The following FKBP3 variants were observed in gnomAD, a reference collection of about 807,000 sequenced individuals.
FKBP3 encodes the protein peptidyl-prolyl cis-trans isomerase FKBP3.
Under a neutral mutation model 30.6 loss-of-function variants are expected in FKBP3, and 21 were observed. The observed-to-expected ratio is 0.69, with a 90% confidence interval of 0.49 to 0.99. The LOEUF is 0.99. Among genes scored for constraint, FKBP3 ranks in the 50% least tolerant of loss-of-function variants. The pLI is 0.00. For missense variants in FKBP3, 283 were observed against 261.6 expected, an observed-to-expected ratio of 1.08 and a Z score of -0.56; for synonymous variants, 82 against 91.3, an observed-to-expected ratio of 0.90 and a Z score of 0.58.
chr14:45,133,380 T>TGG, intron 1 of FKBP3: 1 of 262,002 alleles, frequency 3.8e-6, no homozygotes. Flanking sequence ...GGCAGGAGAA[T>TGG]CGTTTGAACC....
chr14:45,117,841 T>G (rs1279499296), intron 6 of FKBP3, among the ~76,000 whole-genome samples, 187 bp downstream of exon 6: 1 of 152,212 alleles, frequency 6.6e-6, no homozygotes, highest in Admixed American at 6.5e-5. Context: ...GGTTTGAACT[T>G]TATATCAATA....
chr14:45,129,726 A>C (rs928313818), intron 3 of FKBP3, 68 bp downstream of exon 3: 9 of 1,007,252 alleles, frequency 8.9e-6, no homozygotes, highest in Non-Finnish European at 1.3e-5. Flanking sequence ...AGTTAGTGCA[A>C]ATAATAAAGA....
At chr14:45,126,199 G>A (rs1264700537) in intron 3 of FKBP3, among the ~76,000 whole-genome samples, 1 of 150,046 alleles carries the variant, frequency 6.7e-6, no homozygotes, top group African/African-American at 2.4e-5. Context: ...CCAATAACAT[G>A]TCTATACAGG....
intron 3 of FKBP3, 62 bp from the exon 4 acceptor site, chr14:45,121,682 C>T: frequency 6.4e-7 from 1 of 1,556,488 alleles, no homozygotes; most frequent in Non-Finnish European, 8.7e-7. Flanking sequence ...AAAAGAATGA[C>T]AAACAATAGC....
intron 3 of FKBP3, among the ~76,000 whole-genome samples, chr14:45,124,426 G>A (rs1885053410): frequency 1.3e-5 from 2 of 152,086 alleles, no homozygotes; most frequent in Admixed American, 1.3e-4. Context: ...CAGCTATTTA[G>A]GGGGCTGAAG....
At chr14:45,121,676 G>A in intron 3 of FKBP3, 56 bp from the exon 4 acceptor site, 4 of 1,570,594 alleles carry the variant, frequency 2.5e-6, no homozygotes, top group Non-Finnish European at 3.5e-6. Flanking sequence ...TCCTTTAAAA[G>A]AATGACAAAC....
chr14:45,129,353 G>A (rs1366057581), intron 3 of FKBP3, among the ~76,000 whole-genome samples: 1 of 152,206 alleles, frequency 6.6e-6, no homozygotes, highest in African/African-American at 2.4e-5. Context: ...TATAAAACCT[G>A]AGTTGGGAAA....
intron 3 of FKBP3, among the ~76,000 whole-genome samples, chr14:45,126,058 C>T (rs1361041820): frequency 6.6e-6 from 1 of 152,030 alleles, no homozygotes; most frequent in Non-Finnish European, 1.5e-5. Flanking sequence ...ACCACCACGC[C>T]TGGCTACTTT....
chr14:45,134,267 G>T (rs1337176224), intron 1 of FKBP3, 82 bp downstream of exon 1: 2 of 1,132,252 alleles, frequency 1.8e-6, no homozygotes, highest in East Asian at 2.5e-5. Flanking sequence ...GGGCACAGAG[G>T]AATACGGAAT....
intron 1 of FKBP3, among the ~76,000 whole-genome samples, chr14:45,132,623 A>G (rs1885243249): frequency 6.6e-6 from 1 of 151,862 alleles, no homozygotes. Flanking sequence ...CTGGTCCTCA[A>G]TGCCTGGCCT....
At chr14:45,122,254 C>T (rs887931750) in intron 3 of FKBP3, among the ~76,000 whole-genome samples, 7 of 151,228 alleles carry the variant, frequency 4.6e-5, no homozygotes, top group African/African-American at 1.7e-4. Flanking sequence ...GACAGAGGAA[C>T]TGTCAAGAAT....
At position 45,116,842 on chromosome 14, in the gene FKBP3, C is replaced by T. The variant is rs192074165; in HGVS notation, c.621-590G>A. ...CTGCACTCCAGCCTGGGTGACAGAG[C>T]GAGACCCTGTCTCAAAAAAAAACCA... On this transcript the variant is annotated intron_variant, in intron 6 of 6. Coordinates refer to ENST00000396062, the MANE Select transcript of FKBP3 (RefSeq NM_002013.4). Among the ~76,000 whole-genome samples, 12 of 151,924 alleles carry T rather than the reference C, an allele frequency of 7.9e-5. 1 individual carries two copies. The East Asian group carries it at 1.9e-3, about 25-fold the overall frequency.
At chr14:45,120,745 G>T in intron 5 of FKBP3, 142 bp downstream of exon 5, 1 of 659,220 alleles carries the variant, frequency 1.5e-6, no homozygotes, top group South Asian at 1.9e-5. Flanking sequence ...TGCAAGATCA[G>T]CTAACAATGA....
In FKBP3 at chr14:45,117,962, A is replaced by G. The variant is rs137953685; in HGVS notation, c.620+66T>C. 4.0e-4 allele frequency: 470 copies of G among 1,174,692 alleles called. 1 individual carries two copies. The African/African-American group carries it at 6.5e-3, about 16-fold the overall frequency. The allele number at this position is 1,174,692 out of a possible 1,614,324, so 72.8% of individuals were successfully genotyped here. On this transcript the variant is annotated intron_variant, in intron 6 of 6. Coordinates refer to ENST00000396062, the MANE Select transcript of FKBP3 (RefSeq NM_002013.4). ...AGTTTGCCTAGACAGCATCTTTCAC[A>G]TCCTCAAAGGTGATCTAGACGTTTT... is the stretch of plus-strand genomic sequence containing the variant.
intron 6 of FKBP3, among the ~76,000 whole-genome samples, chr14:45,116,491 TATATAC>T (rs1341367176): frequency 2.0e-5 from 3 of 151,344 alleles, no homozygotes; most frequent in African/African-American, 7.3e-5. Flanking sequence ...AAAAAAAATA[TATATAC>T]ATATAGAGAG....
At chr14:45,129,925 C>T in intron 2 of FKBP3, 24 bp from the exon 3 acceptor site, 2 of 1,513,204 alleles carry the variant, frequency 1.3e-6, no homozygotes, top group Non-Finnish European at 9.1e-7. Context: ...GTTGTAACAT[C>T]ATACCCAGGA....
chr14:45,132,494 T>A (rs558744134), intron 1 of FKBP3, among the ~76,000 whole-genome samples: 4 of 152,100 alleles, frequency 2.6e-5, no homozygotes, highest in Non-Finnish European at 4.4e-5. Flanking sequence ...CCCTCTTGGG[T>A]TGAAACGATT....
intron 3 of FKBP3, among the ~76,000 whole-genome samples, chr14:45,123,965 G>A (rs1885043365): frequency 6.6e-6 from 1 of 151,816 alleles, no homozygotes; most frequent in African/African-American, 2.4e-5. Flanking sequence ...AATCAGACTG[G>A]AGTTTAGCTC....
intron 3 of FKBP3, among the ~76,000 whole-genome samples, chr14:45,124,550 T>C (rs1885056285): frequency 2.0e-5 from 3 of 150,874 alleles, no homozygotes; most frequent in Admixed American, 2.0e-4. Flanking sequence ...AAATTATATA[T>C]ATATATTTTT....
Sources: allele counts gnomAD v4.1 joint callset (sites outside exome capture counted in the v4.1 genomes callset), GRCh38; gene constraint gnomAD v4.1.1; transcripts MANE v1.5; gene names NCBI Gene and HGNC (gene_info 2026-07-23, HGNC 2026-07-21).